Variants in USH2A observed in about 807,000 individuals in gnomAD.
USH2A encodes the protein usherin.
Under a neutral mutation model 538.9 loss-of-function variants are expected in USH2A, and 443 were observed. The ratio of observed to expected loss-of-function variants is 0.82; its 90% CI spans 0.76 to 0.89. USH2A has a LOEUF of 0.89. Ranked by LOEUF, USH2A falls within the 40% of genes least tolerant of loss-of-function variation. USH2A has a pLI of 0.00. For missense variants in USH2A, 6,633 were observed against 6,324.8 expected (o/e 1.05, Z -1.65); for synonymous variants, 2,413 against 2,273.5 (o/e 1.06, Z -1.75).
chr1:215,815,371 T>C (rs1662828814), intron 48 of USH2A, among the ~76,000 whole-genome samples: 2 of 151,254 alleles, frequency 1.3e-5, no homozygotes, highest in Non-Finnish European at 2.9e-5. Context: ...TATTCATCAA[T>C]TTACATTTAT....
chr1:215,698,274 G>T (rs1232990293), intron 61 of USH2A, among the ~76,000 whole-genome samples: 1 of 152,070 alleles, frequency 6.6e-6, no homozygotes, highest in Non-Finnish European at 1.5e-5. Context: ...TGTGAATAGT[G>T]CCACAATAAA....
intron 3 of USH2A, among the ~76,000 whole-genome samples, chr1:216,384,886 A>C (rs1328045894): frequency 6.6e-6 from 1 of 152,246 alleles, no homozygotes; most frequent in Admixed American, 6.5e-5. Flanking sequence ...ACTCAAAGAC[A>C]ATATAAGCAC....
At chr1:216,007,079 G>T (rs1297791763) in intron 32 of USH2A, among the ~76,000 whole-genome samples, 1 of 152,066 alleles carries the variant, frequency 6.6e-6, no homozygotes, top group Non-Finnish European at 1.5e-5. Flanking sequence ...GGTTCCATAA[G>T]GGGTTTCCCC....
chr1:215,674,981 G>C lies in USH2A; in HGVS notation c.12930C>G (p.Ser4310Arg). 5.0e-6 allele frequency: 8 copies of C among 1,614,178 alleles called. No homozygotes were observed. The highest frequency in any genetic ancestry group is 5.9e-6 in the Non-Finnish European group (7 of 1,180,024). Reference sequence around the variant, plus strand: ...TGTAATTGAAAGTCACAGGATCAAAGCTAAAAGGATAGAGCATTTCATTCC... The same window carrying C: ...TGTAATTGAAAGTCACAGGATCAAACCTAAAAGGATAGAGCATTTCATTCC... Reference protein sequence around the residue: ...LQRNEMLYPFSFDPVTFNYTD... With the variant: ...LQRNEMLYPFRFDPVTFNYTD... Residue 4310 changes from serine (S) to arginine (R), a missense_variant, in exon 63 of 72, where the codon AGC becomes AGG. Transcript: ENST00000307340.
intron 20 of USH2A, among the ~76,000 whole-genome samples, chr1:216,184,826 A>T (rs2034566381): frequency 6.6e-6 from 1 of 151,954 alleles, no homozygotes; most frequent in South Asian, 2.1e-4. Context: ...TTTTCAACCC[A>T]GCAGCAAACA....
chr1:216,119,769 T>A (rs1483136198), intron 21 of USH2A, among the ~76,000 whole-genome samples: 2 of 152,176 alleles, frequency 1.3e-5, no homozygotes, highest in Non-Finnish European at 2.9e-5. Flanking sequence ...CAAATACAGT[T>A]GTGATACAAA....
chr1:215,916,748 G>A (rs1558160215), intron 38 of USH2A, among the ~76,000 whole-genome samples: 1 of 151,988 alleles, frequency 6.6e-6, no homozygotes, highest in African/African-American at 2.4e-5. Context: ...TGGGTCAAGG[G>A]CACCAGAATA....
At chr1:216,025,442 T>G (rs1445732254) in intron 32 of USH2A, among the ~76,000 whole-genome samples, 8 of 151,426 alleles carry the variant, frequency 5.3e-5, no homozygotes, top group South Asian at 2.1e-4. Context: ...ATTCTGTGAT[T>G]AATGTTTGGT....
intron 32 of USH2A, among the ~76,000 whole-genome samples, chr1:216,020,611 C>A (rs1167447053): frequency 6.6e-6 from 1 of 152,022 alleles, no homozygotes; most frequent in African/African-American, 2.4e-5. Context: ...GTCAGACGGC[C>A]CCTAGACTAC....
intron 50 of USH2A, among the ~76,000 whole-genome samples, chr1:215,790,796 A>G (rs537897846): frequency 6.6e-6 from 1 of 152,304 alleles, no homozygotes; most frequent in African/African-American, 2.4e-5. Context: ...TAGGGTACAA[A>G]TATTTGTTTC....
intron 44 of USH2A, among the ~76,000 whole-genome samples, chr1:215,864,781 T>C (rs1266931910): frequency 2.0e-5 from 3 of 152,158 alleles, no homozygotes; most frequent in Non-Finnish European, 4.4e-5. Context: ...CGCTTTTATC[T>C]CACATATCAT....
intron 37 of USH2A, among the ~76,000 whole-genome samples, chr1:215,937,744 T>A (rs886227142): frequency 6.6e-6 from 1 of 152,176 alleles, no homozygotes; most frequent in African/African-American, 2.4e-5. Flanking sequence ...TATAAAAGAT[T>A]GAAATTTGTA....
intron 21 of USH2A, among the ~76,000 whole-genome samples, chr1:216,140,141 T>TTA (rs59786452): frequency 0.034 from 5,109 of 152,226 alleles, 258 homozygotes; most frequent in African/African-American, 0.12. Context: ...AAGAGTACTT[T>TTA]TATAATATTT....
intron 44 of USH2A, among the ~76,000 whole-genome samples, chr1:215,851,589 C>G (rs1664015994): frequency 6.6e-6 from 1 of 152,096 alleles, no homozygotes; most frequent in Non-Finnish European, 1.5e-5. Flanking sequence ...GACAGATTCA[C>G]AGCGGAATTC....
At chr1:215,764,490 C>A (rs899981538) in intron 56 of USH2A, among the ~76,000 whole-genome samples, 4 of 152,148 alleles carry the variant, frequency 2.6e-5, no homozygotes, top group African/African-American at 9.6e-5. Flanking sequence ...TACAGGTACA[C>A]AGTTTTCTAT....
Position 216,058,299 on chromosome 1 carries a change from G to T in USH2A, c.6050-9652C>A, listed in dbSNP as rs977550960. Among the ~76,000 whole-genome samples, 6 of 148,842 alleles carry T rather than the reference G, an allele frequency of 4.0e-5. 2 individuals carry two copies. Among genetic ancestry groups the T allele is most frequent in the African/African-American group, 1.3e-4 (5 of 39,346 alleles). ...TCAAGTGAAATAATGAATTAAAAAT[G>T]ATAAACCCATCTCTGTTAGGTTTTC... On this transcript the variant is annotated intron_variant, in intron 30 of 71. Coordinates refer to ENST00000307340, the MANE Select transcript of USH2A (RefSeq NM_206933.4).
At chr1:215,702,458 A>G (rs182143429) in intron 61 of USH2A, among the ~76,000 whole-genome samples, 2 of 152,220 alleles carry the variant, frequency 1.3e-5, no homozygotes, top group African/African-American at 2.4e-5. Flanking sequence ...AGGTACACCA[A>G]TTAAATGTAG....
chr1:216,046,362 G>A, intron 32 of USH2A, 69 bp downstream of exon 32: 1 of 1,587,354 alleles, frequency 6.3e-7, no homozygotes, highest in Non-Finnish European at 8.6e-7. Flanking sequence ...GATATCGAGA[G>A]CCAACTATAT....
At chr1:216,313,863 T>G (rs1401693161) in intron 9 of USH2A, among the ~76,000 whole-genome samples, 1 of 152,288 alleles carries the variant, frequency 6.6e-6, no homozygotes, top group African/African-American at 2.4e-5. Context: ...TGGCTTTCAT[T>G]GTGGCTGTTG....
Sources: gnomAD v4.1 joint callset for allele counts (sites outside exome capture counted in the v4.1 genomes callset) on GRCh38, gnomAD v4.1.1 for gene constraint, MANE v1.5 for transcripts, NCBI Gene and HGNC (gene_info 2026-07-23, HGNC 2026-07-21) for gene names.